FEM1C: variants seen among roughly 807,000 people sequenced by gnomAD.
The protein encoded by FEM1C is protein fem-1 homolog C.
FEM1C carries 15 observed loss-of-function variants against 37.6 expected under a neutral mutation model. The observed-to-expected ratio is 0.40, with a 90% CI of 0.27 to 0.61. The LOEUF is 0.61. FEM1C is among the 20% of genes least tolerant of loss of function. The pLI is 0.42. For missense variants in FEM1C, 532 were observed against 749.7 expected (o/e 0.71, Z 3.39); for synonymous variants, 287 against 272.8 (o/e 1.05, Z -0.51).
At chr5:115,539,281 T>A (rs1754192122) in intron 2 of FEM1C, among the ~76,000 whole-genome samples, 1 of 151,982 alleles carries the variant, frequency 6.6e-6, no homozygotes. Context: ...GGTGTAAAAG[T>A]GGAATTGAAG....
At position 115,524,976 on chromosome 5, in the gene FEM1C, C is replaced by A. The variant is rs904735149; in HGVS notation, c.1186G>T (p.Asp396Tyr). ...FAELFSFMLQ[D>Y]RAKGLLGTTV... Reference sequence around the variant, plus strand: ...GTACCCAGCAGGCCTTTAGCCCTATCCTGTAGCATAAAGGAGAATAGTTCT... The same window carrying A: ...GTACCCAGCAGGCCTTTAGCCCTATACTGTAGCATAAAGGAGAATAGTTCT... The change falls in exon 3 of 3, where the codon GAT (aspartate) becomes TAT (tyrosine). Residue 396 changes from aspartate to tyrosine, a missense_variant. Asp to Tyr is a radical substitution (Grantham distance 160). Coordinates refer to ENST00000274457, the MANE Select transcript of FEM1C (RefSeq NM_020177.3). 6.2e-7 allele frequency: 1 copy of A among 1,613,648 alleles called. No homozygotes were observed. Among genetic ancestry groups the A allele is most frequent in the Non-Finnish European group, 8.5e-7 (1 of 1,179,854 alleles).
intron 2 of FEM1C, among the ~76,000 whole-genome samples, chr5:115,526,911 GA>G (rs1171723314): frequency 2.0e-5 from 3 of 151,854 alleles, no homozygotes; most frequent in Non-Finnish European, 4.4e-5. Context: ...TGGGAGTCTA[GA>G]ATTTTGGGTA....
chr5:115,526,697 A>ACAC (rs1753902001), intron 2 of FEM1C, among the ~76,000 whole-genome samples: 1 of 152,274 alleles, frequency 6.6e-6, no homozygotes, highest in East Asian at 1.9e-4. Context: ...ATGTCTGTAG[A>ACAC]AAAGAGGTAG....
rs528644471 is a variant in FEM1C at position 115,523,486 on chromosome 5, A to C, written c.*822T>G. ...ATGATATATTAAGATGACAGACCTA[A>C]ATTTCAACTGGGTTAATGAGTTAGA... On this transcript the variant is annotated 3_prime_UTR_variant, in exon 3 of 3. Transcript: ENST00000274457. 7.9e-5 allele frequency: 12 copies of C among 152,620 alleles called. No homozygotes were observed. The highest frequency in any genetic ancestry group is 2.6e-4 in the African/African-American group (11 of 41,568). The allele number at this position is 152,620 out of a possible 1,614,324, so 9.5% of individuals were successfully genotyped here.
At chr5:115,532,512 T>C (rs1199672082) in intron 2 of FEM1C, among the ~76,000 whole-genome samples, 3 of 151,914 alleles carry the variant, frequency 2.0e-5, no homozygotes, top group Admixed American at 6.6e-5. Flanking sequence ...GCCTAGAGCA[T>C]TATTACTTAC....
chr5:115,525,683 T>C, intron 2 of FEM1C, 66 bp from the exon 3 acceptor site: 1 of 1,242,370 alleles, frequency 8.0e-7, no homozygotes, highest in Non-Finnish European at 1.1e-6. Context: ...GTAATATATA[T>C]ATGCACTTTA....
intron 2 of FEM1C, among the ~76,000 whole-genome samples, chr5:115,535,295 A>AAC (rs931235129): frequency 6.6e-5 from 10 of 151,424 alleles, no homozygotes; most frequent in Admixed American, 1.3e-4. Context: ...AAAAAAAAAA[A>AAC]AAACAAACAC....
chr5:115,537,215 T>C (rs1754147422), intron 2 of FEM1C, among the ~76,000 whole-genome samples: 1 of 152,028 alleles, frequency 6.6e-6, no homozygotes, highest in Non-Finnish European at 1.5e-5. Flanking sequence ...ACAGCATAAA[T>C]CTATGTAATG....
At chr5:115,538,898 C>A (rs995511017) in intron 2 of FEM1C, among the ~76,000 whole-genome samples, 4 of 151,986 alleles carry the variant, frequency 2.6e-5, no homozygotes, top group Admixed American at 6.6e-5. Context: ...CCCAACCTGT[C>A]CATAGATCTA....
chr5:115,534,797 T>C (rs957329836), intron 2 of FEM1C, among the ~76,000 whole-genome samples: 5 of 151,892 alleles, frequency 3.3e-5, no homozygotes, highest in African/African-American at 1.2e-4. Context: ...CACCAGAGAA[T>C]CATAATAAAA....
Position 115,524,375 on chromosome 5 carries a change from T to G in FEM1C, c.1787A>C (p.Asn596Thr). Residue 596 changes from asparagine (N) to threonine (T), a missense_variant, in exon 3 of 3, where the codon AAT (asparagine) becomes ACT (threonine). By Grantham distance (65) the Asn-to-Thr change is moderately conservative. This residue lies in a region of FEM1C where 237 missense variants were observed against 260.5 expected (regional missense o/e 0.91). Coordinates refer to ENST00000274457, the MANE Select transcript of FEM1C (RefSeq NM_020177.3). ...ATGCCCTTTATAATATATTCTATGA[T>G]TCACTATGACACGAGCAGCAAGACA... The part of the protein sequence containing the change: ...LQCLAARVIV[N>T]HRIYYKGHIP... 1 of 1,613,520 alleles carries G rather than the reference T, an allele frequency of 6.2e-7. No homozygotes were observed. Among genetic ancestry groups the G allele is most frequent in the Non-Finnish European group, 8.5e-7 (1 of 1,179,666 alleles).
At chr5:115,539,925 G>T (rs930745576) in intron 2 of FEM1C, among the ~76,000 whole-genome samples, 2 of 151,990 alleles carry the variant, frequency 1.3e-5, no homozygotes, top group Non-Finnish European at 2.9e-5. Context: ...AATATCAACC[G>T]CCTGTTTAAA....
At chr5:115,539,719 G>C (rs1754200507) in intron 2 of FEM1C, among the ~76,000 whole-genome samples, 1 of 151,990 alleles carries the variant, frequency 6.6e-6, no homozygotes, top group South Asian at 2.1e-4. Context: ...CAAACCATGA[G>C]CTCCTCAAGA....
intron 2 of FEM1C, among the ~76,000 whole-genome samples, chr5:115,537,422 C>T (rs2127173625): frequency 6.6e-6 from 1 of 152,162 alleles, no homozygotes; most frequent in Admixed American, 6.5e-5. Flanking sequence ...CTCATTCTCA[C>T]CAAACTGCTC....
chr5:115,543,116 A>G lies in FEM1C; in HGVS notation c.378T>C (p.Asp126=), dbSNP rs769777618. The G allele has an allele frequency of 5.0e-6, 8 of 1,614,114 alleles. No individual in the cohort carries two copies. Among genetic ancestry groups the G allele is most frequent in the Non-Finnish European group, 6.8e-6 (8 of 1,180,054 alleles). Residue 126 remains aspartate (D), a synonymous_variant, in exon 2 of 3, where the codon GAT becomes GAC. Transcript: ENST00000274457. ...NSTPLRAACF[D]GHLEIVKYLV... The stretch of plus-strand genomic sequence containing the variant: ...GGTACTTCACTATTTCCAAATGGCC[A>G]TCGAAACACGCAGCTCGAAGAGGAG...
chr5:115,543,609 C>A lies in FEM1C; in HGVS notation c.-116G>T. On this transcript the variant is annotated 5_prime_UTR_variant, in exon 2 of 3. Transcript: ENST00000274457. ...AAAGTCCAATGTTAATTGCTGCACC[C>A]CAGAACGGATACACAACCACGAAGA... The A allele has an allele frequency of 6.8e-7, 1 of 1,465,396 alleles. No homozygotes were observed. Among genetic ancestry groups the A allele is most frequent in the Non-Finnish European group, 9.0e-7 (1 of 1,116,342 alleles). The allele number at this position is 1,465,396 out of a possible 1,614,324, so 90.8% of individuals were successfully genotyped here.
In FEM1C at chr5:115,543,544, C is replaced by T; in HGVS notation, c.-51G>A. 2 of 1,533,250 alleles carry T rather than the reference C, an allele frequency of 1.3e-6. No individual in the cohort carries two copies. Among genetic ancestry groups the T allele is most frequent in the Admixed American group, 4.0e-5 (2 of 49,626 alleles). 95.0% of individuals were successfully genotyped at this position (1,533,250 alleles called of 1,614,324 possible). On this transcript the variant is annotated 5_prime_UTR_variant, in exon 2 of 3. Transcript: ENST00000274457. ...TTATTTATCTTTCAAAGCAGAGCTC[C>T]AGTTTAACTCTATCGACACAGGCAA... is the stretch of plus-strand genomic sequence containing the variant.
intron 2 of FEM1C, among the ~76,000 whole-genome samples, chr5:115,529,403 G>C (rs2127170595): frequency 6.6e-6 from 1 of 151,986 alleles, no homozygotes; most frequent in Non-Finnish European, 1.5e-5. Context: ...AAGCACGAAA[G>C]AAAAGTAACT....
In FEM1C at chr5:115,542,971, C is replaced by T; in HGVS notation, c.523G>A (p.Val175Ile). Residue 175 changes from valine (V) to isoleucine (I), a missense_variant, in exon 2 of 3, where the codon GTT (valine) becomes ATT (isoleucine). Val to Ile is a conservative substitution (Grantham distance 29). Transcript: ENST00000274457. Reference protein sequence around the residue: ...AQYLLEKGADVNRKSVKGNTA... With the variant: ...AQYLLEKGADINRKSVKGNTA... ...TCACCTTTGACACTTTTTCTATTAA[C>T]ATCTGCCCCCTTTTCAAGTAAATAC... is the stretch of plus-strand genomic sequence containing the variant. 1 of 1,613,210 alleles carries T rather than the reference C, an allele frequency of 6.2e-7. No homozygotes were observed. Among genetic ancestry groups the T allele is most frequent in the East Asian group, 2.2e-5 (1 of 44,876 alleles).
Sources: gnomAD v4.1 joint callset for allele counts (sites outside exome capture counted in the v4.1 genomes callset) on GRCh38, gnomAD v4.1.1 for gene constraint, gnomAD v4.1.1 regional missense constraint, MANE v1.5 for transcripts, NCBI Gene and HGNC (gene_info 2026-07-23, HGNC 2026-07-21) for gene names.